The following PATJ variants were observed in gnomAD, a reference collection of about 807,000 sequenced individuals.
The protein encoded by PATJ is inaD-like protein.
PATJ carries 190 observed loss-of-function variants against 224.9 expected under a neutral mutation model. That is an observed-to-expected ratio of 0.84 (90% CI 0.75 to 0.95). The LOEUF (loss-of-function observed/expected upper bound fraction) is 0.95. Among genes scored for constraint, PATJ ranks in the 40% least tolerant of loss-of-function variants. The pLI is 0.00. For missense variants in PATJ, 2,121 were observed against 2,270.3 expected (o/e 0.93, Z 1.34); for synonymous variants, 769 against 820.3 (o/e 0.94, Z 1.07).
chr1:62,037,496 GC>G (rs1391479044), intron 29 of PATJ, among the ~76,000 whole-genome samples: 1 of 152,088 alleles, frequency 6.6e-6, no homozygotes, highest in Non-Finnish European at 1.5e-5. Context: ...CCACCTTGCA[GC>G]CCTATTGTAG....
At chr1:62,030,406 T>C (rs1395201570) in intron 29 of PATJ, among the ~76,000 whole-genome samples, 4 of 152,124 alleles carry the variant, frequency 2.6e-5, no homozygotes, top group Admixed American at 1.3e-4. Flanking sequence ...TTGTATCTTA[T>C]TTATATCTTA....
At chr1:61,928,352 G>A (rs368808504) in intron 27 of PATJ, among the ~76,000 whole-genome samples, 13 of 152,250 alleles carry the variant, frequency 8.5e-5, no homozygotes, top group African/African-American at 1.9e-4. Flanking sequence ...TTTTATGTGC[G>A]TCTAGTGTAT....
chr1:62,043,452 GATA>G lies in PATJ; in HGVS notation c.4032+5412_4032+5414del, dbSNP rs1294579951. Among the ~76,000 whole-genome samples, 2 of 152,028 alleles carry G rather than the reference GATA, an allele frequency of 1.3e-5. 1 individual carries two copies. Among genetic ancestry groups the G allele is most frequent in the East Asian group, 3.9e-4 (2 of 5,190 alleles). On this transcript the variant is annotated intron_variant, in intron 30 of 43. Transcript: ENST00000642238. ...AATTCCTCACATTTAAAATGGGTTT[GATA>G]ATAATAATTAATTCTATGGACTTGT...
chr1:62,123,562 C>T (rs1004037977), intron 39 of PATJ, among the ~76,000 whole-genome samples: 2 of 147,956 alleles, frequency 1.4e-5, no homozygotes, highest in East Asian at 2.1e-4. Context: ...ACTGCAAGCT[C>T]CACCTCCTGG....
intron 28 of PATJ, among the ~76,000 whole-genome samples, chr1:61,996,489 A>G (rs12070711): frequency 0.28 from 42,509 of 152,020 alleles, 6,372 homozygotes; most frequent in East Asian, 0.45. Context: ...GGATAAGATT[A>G]CTTATAATTT....
At chr1:62,138,998 T>C (rs1309595275) in intron 41 of PATJ, among the ~76,000 whole-genome samples, 1 of 152,136 alleles carries the variant, frequency 6.6e-6, no homozygotes, top group Non-Finnish European at 1.5e-5. Context: ...CTGCAAGCTC[T>C]CTGGAGGGCA....
intron 17 of PATJ, among the ~76,000 whole-genome samples, chr1:61,848,319 TTCTG>T (rs760847808): frequency 1.4e-4 from 21 of 152,360 alleles, no homozygotes; most frequent in Admixed American, 3.9e-4. Flanking sequence ...TCTGCCTTCA[TTCTG>T]TCTGTCTCTT....
chr1:62,109,186 G>A (rs1663500474), intron 34 of PATJ, among the ~76,000 whole-genome samples: 2 of 150,950 alleles, frequency 1.3e-5, no homozygotes, highest in South Asian at 4.2e-4. Context: ...GAGCTTTCTC[G>A]ATGGTGTGAA....
intron 33 of PATJ, among the ~76,000 whole-genome samples, chr1:62,090,974 T>C (rs1660661274): frequency 6.6e-6 from 1 of 152,202 alleles, no homozygotes; most frequent in Non-Finnish European, 1.5e-5. Context: ...GAAGAAAAAC[T>C]TCAGAACTAA....
intron 30 of PATJ, chr1:62,038,963 G>A: frequency 1.5e-6 from 2 of 1,368,576 alleles, no homozygotes; most frequent in Non-Finnish European, 2.1e-6. Context: ...GAGCATGCTG[G>A]AGTGATATCT....
intron 28 of PATJ, among the ~76,000 whole-genome samples, chr1:62,016,433 T>C (rs1301021417): frequency 1.3e-5 from 2 of 152,206 alleles, no homozygotes; most frequent in African/African-American, 4.8e-5. Flanking sequence ...CCTTATATGG[T>C]ACACTATACT....
In PATJ at chr1:61,797,420, CAGACAG is replaced by C; in HGVS notation, c.1397_1402del (p.Asp466_Arg467del). The stretch of plus-strand genomic sequence containing the variant: ...TCTACTTCTCCACTTGAACCACCTT[CAGACAG>C]AGGTGATTAATTTGCCACCCCTCTA... On this transcript the variant is annotated inframe_deletion and splice_region_variant, in exon 11 of 44. Transcript: ENST00000642238. The C allele has an allele frequency of 1.2e-6, 2 of 1,610,660 alleles. No individual in the cohort carries two copies. Among genetic ancestry groups the C allele is most frequent in the South Asian group, 2.2e-5 (2 of 90,964 alleles).
At chr1:61,812,382 G>GTGAC (rs1391484474) in intron 14 of PATJ, among the ~76,000 whole-genome samples, 3 of 121,476 alleles carry the variant, frequency 2.5e-5, no homozygotes, top group East Asian at 2.8e-4. Context: ...GAGAGAGAGA[G>GTGAC]AGAGAGAGAG....
Position 61,990,229 on chromosome 1 carries a change from A to C in PATJ, c.3732A>C (p.Lys1244Asn). The C allele has an allele frequency of 6.2e-7, 1 of 1,613,826 alleles. No homozygotes were observed. Among genetic ancestry groups the C allele is most frequent in the Non-Finnish European group, 8.5e-7 (1 of 1,179,856 alleles). ...AACTGCACATTATTGAACTTGAAAA[A>C]GATAAGAATGGACTTGGACTCAGCC... ...PGELHIIELE[K>N]DKNGLGLSLA... Residue 1244 changes from lysine to asparagine, a missense_variant, in exon 28 of 44, where the codon AAA becomes AAC. Lys to Asn is a moderately conservative substitution (Grantham distance 94). Coordinates refer to ENST00000642238, the MANE Select transcript of PATJ (RefSeq NM_001350145.3).
At chr1:62,030,656 G>A (rs1649070796) in intron 29 of PATJ, among the ~76,000 whole-genome samples, 2 of 152,174 alleles carry the variant, frequency 1.3e-5, no homozygotes, top group Non-Finnish European at 2.9e-5. Flanking sequence ...CCAAAAGATT[G>A]CTGGTGTCCC....
chr1:62,020,220 C>A (rs1647002539), intron 29 of PATJ, among the ~76,000 whole-genome samples: 2 of 152,028 alleles, frequency 1.3e-5, no homozygotes, highest in Non-Finnish European at 2.9e-5. Flanking sequence ...TAGCACTTAA[C>A]AGTATCAGCA....
intron 25 of PATJ, among the ~76,000 whole-genome samples, chr1:61,910,475 T>C (rs907898689): frequency 2.0e-5 from 3 of 151,594 alleles, no homozygotes; most frequent in Admixed American, 1.3e-4. Context: ...CCATTGATGA[T>C]GTTAATTACC....
At chr1:61,808,735 A>G (rs2148631702) in intron 14 of PATJ, among the ~76,000 whole-genome samples, 1 of 152,272 alleles carries the variant, frequency 6.6e-6, no homozygotes. Flanking sequence ...CTTGCTGAAG[A>G]AACTAAATTA....
At chr1:61,847,672 A>G (rs570952104) in intron 17 of PATJ, among the ~76,000 whole-genome samples, 1 of 152,370 alleles carries the variant, frequency 6.6e-6, no homozygotes, top group South Asian at 2.1e-4. Context: ...ATTAGAATCA[A>G]TTAGTTATTA....
Sources: gnomAD v4.1 joint callset for allele counts (sites outside exome capture counted in the v4.1 genomes callset) on GRCh38, gnomAD v4.1.1 for gene constraint, MANE v1.5 for transcripts, NCBI Gene and HGNC (gene_info 2026-07-23, HGNC 2026-07-21) for gene names.